CNTN5: variants seen among roughly 807,000 people sequenced by gnomAD.
CNTN5 encodes the protein contactin-5.
CNTN5 carries 77 observed loss-of-function variants against 129.1 expected under a neutral mutation model. That is an observed-to-expected ratio of 0.60 (90% CI 0.50 to 0.72). CNTN5 has a LOEUF of 0.72. Ranked by LOEUF, CNTN5 falls within the 30% of genes least tolerant of loss-of-function variation. The pLI is 0.00. For synonymous variants in CNTN5, 509 were observed against 465.6 expected, an observed-to-expected ratio of 1.09 and a Z score of -1.20; for missense variants, 1,478 against 1,328.8, an observed-to-expected ratio of 1.11 and a Z score of -1.75.
intron 13 of CNTN5, among the ~76,000 whole-genome samples, chr11:100,078,048 G>A (rs1040283335): frequency 2.6e-5 from 4 of 151,956 alleles, no homozygotes; most frequent in African/African-American, 7.2e-5. Context: ...ACTCTAAATT[G>A]TAAATAAAAT....
chr11:99,934,830 G>A (rs1004218454), intron 7 of CNTN5, among the ~76,000 whole-genome samples: 14 of 149,508 alleles, frequency 9.4e-5, no homozygotes, highest in Admixed American at 2.7e-4. Flanking sequence ...AGCTGAGATC[G>A]CACCACTGCA....
intron 2 of CNTN5, among the ~76,000 whole-genome samples, chr11:99,523,770 C>T (rs1203854171): frequency 2.0e-5 from 3 of 152,030 alleles, no homozygotes; most frequent in African/African-American, 7.2e-5. Flanking sequence ...CACTCCCCAG[C>T]ACATATCTAG....
At chr11:100,227,079 T>TAAA (rs1949390950) in intron 16 of CNTN5, among the ~76,000 whole-genome samples, 1 of 152,144 alleles carries the variant, frequency 6.6e-6, no homozygotes, top group Non-Finnish European at 1.5e-5. Flanking sequence ...CCCATTCATC[T>TAAA]TTTAGTAGAA....
chr11:99,738,461 G>T (rs1007481736), intron 3 of CNTN5, among the ~76,000 whole-genome samples: 1 of 152,070 alleles, frequency 6.6e-6, no homozygotes, highest in African/African-American at 2.4e-5. Context: ...TGAAATAGGT[G>T]GTCCAAGAGA....
At chr11:99,965,546 C>G (rs930889034) in intron 8 of CNTN5, among the ~76,000 whole-genome samples, 5 of 152,072 alleles carry the variant, frequency 3.3e-5, no homozygotes, top group African/African-American at 1.2e-4. Context: ...AATTTCTGTT[C>G]TTTTGCATTT....
chr11:100,139,970 C>T (rs1012114859), intron 13 of CNTN5, among the ~76,000 whole-genome samples: 3 of 152,080 alleles, frequency 2.0e-5, no homozygotes, highest in Non-Finnish European at 4.4e-5. Context: ...GCAATGCTCT[C>T]AAGTATGGAA....
At chr11:99,142,909 A>C (rs1859592242) in intron 1 of CNTN5, among the ~76,000 whole-genome samples, 1 of 152,142 alleles carries the variant, frequency 6.6e-6, no homozygotes, top group African/African-American at 2.4e-5. Flanking sequence ...CCTCTTACTT[A>C]GGAGCACCTC....
At chr11:99,159,407 G>T (rs1296618160) in intron 1 of CNTN5, among the ~76,000 whole-genome samples, 1 of 152,174 alleles carries the variant, frequency 6.6e-6, no homozygotes, top group African/African-American at 2.4e-5. Context: ...AGGATCACGA[G>T]GTCAGGAGAT....
chr11:99,078,107 A>G (rs916145054), intron 1 of CNTN5, among the ~76,000 whole-genome samples: 4 of 152,172 alleles, frequency 2.6e-5, no homozygotes, highest in African/African-American at 4.8e-5. Flanking sequence ...AAAATTATCT[A>G]AAAATGAACA....
At chr11:99,299,723 G>A (rs1418688648) in intron 1 of CNTN5, among the ~76,000 whole-genome samples, 1 of 152,092 alleles carries the variant, frequency 6.6e-6, no homozygotes, top group African/African-American at 2.4e-5. Flanking sequence ...CAAAAGACAT[G>A]ATTTCATACT....
At chr11:99,424,312 A>G (rs936217492) in intron 2 of CNTN5, among the ~76,000 whole-genome samples, 1 of 152,180 alleles carries the variant, frequency 6.6e-6, no homozygotes, top group Non-Finnish European at 1.5e-5. Context: ...CATAAGTGGA[A>G]ATGCAGGACA....
chr11:99,981,077 G>GAGATATATATATATATATAT (rs1555171289), intron 8 of CNTN5, among the ~76,000 whole-genome samples: 5 of 57,586 alleles, frequency 8.7e-5, no homozygotes, highest in East Asian at 1.2e-3. Flanking sequence ...GAGCCAATAG[G>GAGATATATATATATATATAT]ATATATATAT....
At chr11:99,069,070 G>A (rs757938130) in intron 1 of CNTN5, among the ~76,000 whole-genome samples, 2 of 152,084 alleles carry the variant, frequency 1.3e-5, no homozygotes, top group African/African-American at 4.8e-5. Flanking sequence ...AAAATAGGAA[G>A]CCGACAAGGT....
chr11:99,541,660 T>C (rs921512699), intron 2 of CNTN5, among the ~76,000 whole-genome samples: 1 of 152,156 alleles, frequency 6.6e-6, no homozygotes, highest in Non-Finnish European at 1.5e-5. Flanking sequence ...ATTGAAATTT[T>C]GGGCTCAGCC....
chr11:99,454,625 C>T (rs531823437), intron 2 of CNTN5, among the ~76,000 whole-genome samples: 1 of 152,164 alleles, frequency 6.6e-6, no homozygotes, highest in Non-Finnish European at 1.5e-5. Context: ...GAGGCCTCCC[C>T]AGCCATGCTG....
At chr11:100,034,374 T>G (rs569177522) in intron 9 of CNTN5, among the ~76,000 whole-genome samples, 3 of 152,356 alleles carry the variant, frequency 2.0e-5, no homozygotes, top group Middle Eastern at 3.4e-3. Context: ...TTTTCATCAT[T>G]GATATTCTAT....
intron 1 of CNTN5, among the ~76,000 whole-genome samples, chr11:99,251,001 G>T (rs1862071402): frequency 6.6e-6 from 1 of 151,836 alleles, no homozygotes; most frequent in African/African-American, 2.4e-5. Context: ...AGAAACTATT[G>T]ATAGCTACTT....
intron 2 of CNTN5, among the ~76,000 whole-genome samples, chr11:99,331,225 C>T (rs937328188): frequency 6.6e-6 from 1 of 152,028 alleles, no homozygotes; most frequent in Non-Finnish European, 1.5e-5. Flanking sequence ...CATTTTCTGC[C>T]TCTATGAAAA....
At chr11:99,277,331 G>T (rs1165856271) in intron 1 of CNTN5, among the ~76,000 whole-genome samples, 1 of 151,454 alleles carries the variant, frequency 6.6e-6, no homozygotes, top group East Asian at 1.9e-4. Context: ...TAATAATCTA[G>T]CTTCATATCA....
Sources: allele counts gnomAD v4.1 joint callset (sites outside exome capture counted in the v4.1 genomes callset), GRCh38; gene constraint gnomAD v4.1.1; transcripts MANE v1.5; gene names NCBI Gene and HGNC (gene_info 2026-07-23, HGNC 2026-07-21).